The following EVA1C variants were observed in gnomAD, a reference collection of about 807,000 sequenced individuals.
EVA1C encodes the protein eva-1 homolog C.
A neutral mutation model predicts 45.4 loss-of-function variants in EVA1C; 25 were observed. The ratio of observed to expected loss-of-function variants is 0.55; its 90% CI spans 0.40 to 0.77. EVA1C has a LOEUF of 0.77. Ranked by LOEUF, EVA1C falls within the 30% of genes least tolerant of loss-of-function variation. The probability of loss-of-function intolerance (pLI) is 0.00; values close to 1 mark genes in which losing one functional copy is unlikely to be tolerated. For synonymous variants in EVA1C, 190 were observed against 221.2 expected (o/e 0.86, Z 1.25); for missense variants, 479 against 554.8 (o/e 0.86, Z 1.37).
At chr21:32,479,973 T>C (rs1293851328) in intron 4 of EVA1C, among the ~76,000 whole-genome samples, 1 of 152,084 alleles carries the variant, frequency 6.6e-6, no homozygotes, top group African/African-American at 2.4e-5. Flanking sequence ...CTTGGTAAAC[T>C]TTTTCTGGAT....
At chr21:32,502,044 CTTTCTTTCTTCT>C (rs1410776157) in intron 6 of EVA1C, among the ~76,000 whole-genome samples, 1,285 of 107,470 alleles carry the variant, frequency 0.012, 21 homozygotes, top group African/African-American at 0.034. Context: ...TTCTTTCTTT[CTTTCTTTCTTCT>C]TTCTTTCTTT....
At chr21:32,450,397 T>C (rs201651885) in intron 1 of EVA1C, among the ~76,000 whole-genome samples, 3 of 149,330 alleles carry the variant, frequency 2.0e-5, no homozygotes, top group Admixed American at 6.7e-5. Context: ...TTTTTTTTTT[T>C]CATCTAGCTA....
rs375398243 is a variant in EVA1C at position 32,467,686 on chromosome 21, T to C, written c.482-10T>C. 76 of 1,601,642 alleles carry C rather than the reference T, an allele frequency of 4.7e-5. No individual in the cohort carries two copies. The African/African-American group carries it at 9.5e-4, about 20-fold the overall frequency. On this transcript the variant is annotated splice_polypyrimidine_tract_variant and intron_variant, in intron 3 of 7. Coordinates refer to ENST00000300255, the MANE Select transcript of EVA1C (RefSeq NM_058187.5). ...GCTGATGGTGCCTTCAATTTTTGTT[T>C]TTGCTTCAGATGAATTAAAAAACAA... is the stretch of plus-strand genomic sequence containing the variant.
intron 7 of EVA1C, 144 bp from the exon 8 acceptor site, chr21:32,514,670 T>C (rs2038078218): frequency 1.1e-6 from 1 of 927,304 alleles, no homozygotes; most frequent in Non-Finnish European, 1.5e-6. Context: ...TATATGATTA[T>C]TTTGGTGTAG....
chr21:32,511,623 T>A (rs1038188009), intron 7 of EVA1C, among the ~76,000 whole-genome samples: 1 of 152,016 alleles, frequency 6.6e-6, no homozygotes, highest in Non-Finnish European at 1.5e-5. Flanking sequence ...CATCGTAAGG[T>A]ACAATTCTAT....
At position 32,471,487 on chromosome 21, in the gene EVA1C, A is replaced by G. The variant is rs550700889; in HGVS notation, c.634+3639A>G. ...ATTACATGTGCATGCCACCATGCCC[A>G]GCTAATTTTTGTAGTTTTAGTAGAC... On this transcript the variant is annotated intron_variant, in intron 4 of 7. Transcript: ENST00000300255. Among the ~76,000 whole-genome samples the G allele has an allele frequency of 3.5e-3, 524 of 149,636 alleles. 3 individuals are homozygous for G. Among genetic ancestry groups the G allele is most frequent in the Non-Finnish European group, 5.8e-3 (394 of 67,366 alleles).
intron 4 of EVA1C, among the ~76,000 whole-genome samples, chr21:32,481,113 C>G (rs2036769490): frequency 6.6e-6 from 1 of 151,998 alleles, no homozygotes; most frequent in South Asian, 2.1e-4. Context: ...GGCTTTTTCC[C>G]CCAGTTTTGG....
intron 3 of EVA1C, among the ~76,000 whole-genome samples, chr21:32,464,779 AC>A (rs1468306953): frequency 6.6e-6 from 1 of 151,872 alleles, no homozygotes; most frequent in African/African-American, 2.4e-5. Flanking sequence ...CCAAGATTGC[AC>A]CCCCCGCACT....
chr21:32,438,577 G>A (rs188364580), intron 1 of EVA1C, among the ~76,000 whole-genome samples: 3 of 151,666 alleles, frequency 2.0e-5, no homozygotes, highest in African/African-American at 7.3e-5. Context: ...GAGGTTCCTC[G>A]ATGGAGCTCT....
intron 5 of EVA1C, chr21:32,497,027 G>C: frequency 7.1e-7 from 1 of 1,407,452 alleles, no homozygotes; most frequent in Admixed American, 1.7e-5. Flanking sequence ...GAGATGGTCT[G>C]TATTGACAGC....
At chr21:32,449,195 A>G (rs1568894623) in intron 1 of EVA1C, among the ~76,000 whole-genome samples, 1 of 152,318 alleles carries the variant, frequency 6.6e-6, no homozygotes, top group East Asian at 1.9e-4. Flanking sequence ...TGTCATAATC[A>G]ATAAACCTAC....
intron 1 of EVA1C, among the ~76,000 whole-genome samples, chr21:32,443,224 C>T (rs2035245675): frequency 6.6e-6 from 1 of 152,118 alleles, no homozygotes; most frequent in Non-Finnish European, 1.5e-5. Flanking sequence ...AATGGAAGCT[C>T]TATGTTAATT....
chr21:32,511,419 C>CAA (rs749141703), intron 7 of EVA1C, among the ~76,000 whole-genome samples: 4,544 of 46,758 alleles, frequency 0.097, 307 homozygotes, highest in African/African-American at 0.13. Flanking sequence ...AACTCCGTCT[C>CAA]AAAAAAAAAA....
chr21:32,514,346 A>G (rs1172088753), intron 7 of EVA1C, among the ~76,000 whole-genome samples: 1 of 152,216 alleles, frequency 6.6e-6, no homozygotes, highest in East Asian at 1.9e-4. Context: ...TTCTACTACT[A>G]ATAATAGCAG....
At chr21:32,414,213 A>C (rs1168705012) in intron 1 of EVA1C, among the ~76,000 whole-genome samples, 1 of 152,184 alleles carries the variant, frequency 6.6e-6, no homozygotes, top group African/African-American at 2.4e-5. Flanking sequence ...TTGGCAAGCC[A>C]CCCACGGCCC....
At chr21:32,413,390 T>C (rs1205845764) in intron 1 of EVA1C, among the ~76,000 whole-genome samples, 1 of 152,222 alleles carries the variant, frequency 6.6e-6, no homozygotes, top group African/African-American at 2.4e-5. Context: ...TTGCGCCGCG[T>C]TTGTCACCCG....
intron 7 of EVA1C, among the ~76,000 whole-genome samples, chr21:32,506,473 C>T (rs545593338): frequency 2.6e-5 from 4 of 151,814 alleles, no homozygotes; most frequent in East Asian, 1.9e-4. Context: ...ACCATGACCA[C>T]GCCTCCATAT....
At chr21:32,513,463 G>A (rs1172706963) in intron 7 of EVA1C, among the ~76,000 whole-genome samples, 9 of 147,966 alleles carry the variant, frequency 6.1e-5, no homozygotes, top group African/African-American at 2.2e-4. Flanking sequence ...ACAGGCGTGA[G>A]CCACCGTGCC....
At chr21:32,457,526 G>C in intron 2 of EVA1C, 71 bp from the exon 3 acceptor site, 1 of 1,599,578 alleles carries the variant, frequency 6.3e-7, no homozygotes, top group South Asian at 1.1e-5. Flanking sequence ...GCCCAGAGCA[G>C]CCCAGGTTCG....
Sources: gnomAD v4.1 joint callset for allele counts (sites outside exome capture counted in the v4.1 genomes callset) on GRCh38, gnomAD v4.1.1 for gene constraint, MANE v1.5 for transcripts, NCBI Gene and HGNC (gene_info 2026-07-23, HGNC 2026-07-21) for gene names.